Variants in MYO1B observed in about 807,000 individuals in gnomAD.
MYO1B encodes unconventional myosin-Ib.
Under a neutral mutation model 159.7 loss-of-function variants are expected in MYO1B, and 72 were observed. That is an observed-to-expected ratio of 0.45 (90% confidence interval 0.37 to 0.55). The LOEUF (loss-of-function observed/expected upper bound fraction) is 0.55. Among genes scored for constraint, MYO1B ranks in the 20% least tolerant of loss-of-function variants. The pLI is 0.00. For missense variants in MYO1B, 1,062 were observed against 1,364.8 expected (o/e 0.78, Z 3.50); for synonymous variants, 468 against 473.8 (o/e 0.99, Z 0.16).
chr2:191,296,583 GA>G (rs1205827097), intron 3 of MYO1B, among the ~76,000 whole-genome samples: 2 of 152,180 alleles, frequency 1.3e-5, no homozygotes, highest in Non-Finnish European at 2.9e-5. Context: ...GTTGGGCCAA[GA>G]AAAATCCTGA....
intron 7 of MYO1B, among the ~76,000 whole-genome samples, chr2:191,353,491 C>G (rs567872078): frequency 5.4e-4 from 82 of 152,246 alleles, no homozygotes; most frequent in African/African-American, 1.8e-3. Flanking sequence ...TGTGCATACA[C>G]CTGAGCGAAC....
chr2:191,369,585 G>A lies in MYO1B; in HGVS notation c.1076G>A (p.Arg359Lys). 1 of 1,613,506 alleles carries A rather than the reference G, an allele frequency of 6.2e-7. No individual in the cohort carries two copies. The highest frequency in any genetic ancestry group is 8.5e-7 in the Non-Finnish European group (1 of 1,179,636). ...GCTCTGGCTAAAAACCTCTACAGCAGGTTGTTTTCATGGTTGGTAAATCGA... is the reference window on the plus strand; with the variant it reads ...GCTCTGGCTAAAAACCTCTACAGCAAGTTGTTTTCATGGTTGGTAAATCGA... ...RDALAKNLYS[R>K]LFSWLVNRIN... Residue 359 changes from arginine (R) to lysine (K), a missense_variant, in exon 12 of 31, where the codon AGG becomes AAG. By Grantham distance (26) the Arg-to-Lys change is conservative (BLOSUM62 2). Around this residue, in one of 5 missense-constraint regions of MYO1B, gnomAD observed 415 missense variants for 544.0 expected, o/e 0.76. Transcript: ENST00000392318.
intron 22 of MYO1B, 136 bp downstream of exon 22, chr2:191,400,604 C>A: frequency 1.5e-6 from 2 of 1,341,606 alleles, no homozygotes; most frequent in South Asian, 1.3e-5. Context: ...CTCTTTCCAA[C>A]ATTTTGTTGT....
intron 7 of MYO1B, among the ~76,000 whole-genome samples, chr2:191,351,499 C>G (rs1692923151): frequency 6.6e-6 from 1 of 152,196 alleles, no homozygotes; most frequent in Non-Finnish European, 1.5e-5. Flanking sequence ...GAGTAACCAT[C>G]TAGGGCTAGA....
At chr2:191,324,805 T>C (rs1012749138) in intron 3 of MYO1B, among the ~76,000 whole-genome samples, 4 of 152,146 alleles carry the variant, frequency 2.6e-5, no homozygotes, top group African/African-American at 9.7e-5. Flanking sequence ...TAAAGACTTA[T>C]TTTCCCTAAA....
At chr2:191,270,451 G>A (rs557193782) in intron 1 of MYO1B, among the ~76,000 whole-genome samples, 1 of 152,150 alleles carries the variant, frequency 6.6e-6, no homozygotes, top group East Asian at 1.9e-4. Context: ...GATGCAGGGA[G>A]GGGGAGGTAC....
At chr2:191,247,819 G>T (rs1175751860) in intron 1 of MYO1B, 1 of 475,766 alleles carries the variant, frequency 2.1e-6, no homozygotes, top group Non-Finnish European at 2.7e-6. Flanking sequence ...CTGGTCTCTG[G>T]TCTCTGGCCT....
At chr2:191,341,878 G>A (rs1692247209) in intron 5 of MYO1B, among the ~76,000 whole-genome samples, 1 of 152,042 alleles carries the variant, frequency 6.6e-6, no homozygotes, top group Admixed American at 6.6e-5. Context: ...GTGCAGTGCT[G>A]TTTTATTATT....
chr2:191,355,449 G>T (rs1032470724), intron 7 of MYO1B, among the ~76,000 whole-genome samples: 2 of 152,226 alleles, frequency 1.3e-5, no homozygotes, highest in Non-Finnish European at 2.9e-5. Flanking sequence ...TGTAAAATAG[G>T]CACAAGAATC....
At chr2:191,397,470 G>A (rs1234933816) in intron 21 of MYO1B, among the ~76,000 whole-genome samples, 2 of 152,052 alleles carry the variant, frequency 1.3e-5, no homozygotes, top group Non-Finnish European at 2.9e-5. Context: ...TTAACCCTGA[G>A]TGGACACAGC....
intron 1 of MYO1B, among the ~76,000 whole-genome samples, chr2:191,274,046 C>T (rs1038066867): frequency 2.0e-5 from 3 of 152,174 alleles, no homozygotes; most frequent in East Asian, 1.9e-4. Flanking sequence ...TACCCCCACA[C>T]CGTTTCCTTA....
At chr2:191,356,021 T>G (rs934419786) in intron 7 of MYO1B, among the ~76,000 whole-genome samples, 5 of 152,210 alleles carry the variant, frequency 3.3e-5, no homozygotes, top group Non-Finnish European at 5.9e-5. Context: ...GGAACGTGGT[T>G]TTACTCTTTT....
At chr2:191,298,919 G>A (rs1689143695) in intron 3 of MYO1B, among the ~76,000 whole-genome samples, 2 of 152,082 alleles carry the variant, frequency 1.3e-5, no homozygotes, top group South Asian at 2.1e-4. Context: ...TCATGACAGG[G>A]CCTCTTCCTG....
At chr2:191,356,411 A>G (rs1251805610) in intron 7 of MYO1B, among the ~76,000 whole-genome samples, 1 of 145,168 alleles carries the variant, frequency 6.9e-6, no homozygotes, top group Non-Finnish European at 1.5e-5. Flanking sequence ...GTAGTCAATC[A>G]TTGGTTGTGA....
At chr2:191,268,236 T>A (rs1687255964) in intron 1 of MYO1B, among the ~76,000 whole-genome samples, 1 of 152,200 alleles carries the variant, frequency 6.6e-6, no homozygotes, top group Admixed American at 6.5e-5. Context: ...TGTTGGTAGA[T>A]TCAGTTTCTG....
chr2:191,357,824 A>G (rs1693402117), intron 7 of MYO1B, among the ~76,000 whole-genome samples: 1 of 152,238 alleles, frequency 6.6e-6, no homozygotes, highest in South Asian at 2.1e-4. Flanking sequence ...GTGCATGCAC[A>G]TTTAGGGGAA....
chr2:191,385,289 C>A (rs891962798), intron 15 of MYO1B, among the ~76,000 whole-genome samples: 2 of 152,156 alleles, frequency 1.3e-5, no homozygotes, highest in Non-Finnish European at 2.9e-5. Context: ...TTTCTAAAAT[C>A]TAAATCTATA....
chr2:191,249,941 G>A (rs1025143848), intron 1 of MYO1B, among the ~76,000 whole-genome samples: 3 of 152,218 alleles, frequency 2.0e-5, no homozygotes, highest in African/African-American at 7.2e-5. Context: ...CAGCATAGAG[G>A]AGGAAAAAGG....
intron 3 of MYO1B, among the ~76,000 whole-genome samples, chr2:191,318,770 G>A (rs1044809338): frequency 3.9e-5 from 6 of 152,244 alleles, no homozygotes; most frequent in African/African-American, 1.4e-4. Context: ...ACTTGAAGCA[G>A]TATTTGAGTG....
Sources: allele counts gnomAD v4.1 joint callset (sites outside exome capture counted in the v4.1 genomes callset), GRCh38; gene constraint gnomAD v4.1.1; regional missense constraint gnomAD v4.1.1; transcripts MANE v1.5; gene names NCBI Gene and HGNC (gene_info 2026-07-23, HGNC 2026-07-21).